Variants in DNM3 observed in about 807,000 individuals in gnomAD.
DNM3 encodes the protein dynamin 3.
A neutral mutation model predicts 101.6 loss-of-function variants in DNM3; 47 were observed. The ratio of observed to expected loss-of-function variants is 0.46; its 90% CI spans 0.37 to 0.59. The LOEUF (loss-of-function observed/expected upper bound fraction) is 0.59. Among genes scored for constraint, DNM3 ranks in the 20% least tolerant of loss-of-function variants. The pLI, the probability that DNM3 is intolerant of heterozygous loss-of-function variation, is 0.00. For synonymous variants in DNM3, 385 were observed against 387.9 expected, an observed-to-expected ratio of 0.99 and a Z score of 0.09; for missense variants, 849 against 1,085.7, an observed-to-expected ratio of 0.78 and a Z score of 3.06.
intron 10 of DNM3, among the ~76,000 whole-genome samples, chr1:172,053,555 G>A (rs528942401): frequency 2.6e-5 from 4 of 151,944 alleles, no homozygotes; most frequent in South Asian, 2.1e-4. Context: ...AAAAAAAGGC[G>A]CTGTGTTTTT....
intron 2 of DNM3, among the ~76,000 whole-genome samples, chr1:171,940,483 A>G (rs1272994552): frequency 5.3e-5 from 8 of 151,990 alleles, no homozygotes; most frequent in Admixed American, 5.2e-4. Flanking sequence ...TTTCTTTTTA[A>G]CCTCTGCATA....
At chr1:171,932,807 A>G (rs1035324298) in intron 2 of DNM3, among the ~76,000 whole-genome samples, 6 of 152,204 alleles carry the variant, frequency 3.9e-5, no homozygotes, top group Non-Finnish European at 8.8e-5. Context: ...TCATCATGCA[A>G]ATACTGGAAT....
intron 17 of DNM3, among the ~76,000 whole-genome samples, chr1:172,351,501 C>T (rs2067200531): frequency 6.6e-6 from 1 of 152,148 alleles, no homozygotes; most frequent in Admixed American, 6.6e-5. Flanking sequence ...TTTGCTGAGG[C>T]TGTTCAACAT....
intron 15 of DNM3, among the ~76,000 whole-genome samples, chr1:172,265,746 G>T (rs1420806779): frequency 6.6e-6 from 1 of 152,078 alleles, no homozygotes; most frequent in Non-Finnish European, 1.5e-5. Flanking sequence ...CTCTCCCCAG[G>T]CAGGCGTTCA....
At chr1:172,129,534 A>G (rs1276773189) in intron 13 of DNM3, among the ~76,000 whole-genome samples, 2 of 152,298 alleles carry the variant, frequency 1.3e-5, no homozygotes, top group African/African-American at 4.8e-5. Flanking sequence ...ACAGTTCCAC[A>G]TGGCTGGGGA....
At chr1:172,095,429 A>G (rs2054179037) in intron 13 of DNM3, among the ~76,000 whole-genome samples, 1 of 152,216 alleles carries the variant, frequency 6.6e-6, no homozygotes. Flanking sequence ...AAATCCAATA[A>G]TGTATACATG....
chr1:172,354,411 C>G (rs764065078), intron 17 of DNM3, among the ~76,000 whole-genome samples: 17 of 151,982 alleles, frequency 1.1e-4, no homozygotes, highest in Non-Finnish European at 1.9e-4. Flanking sequence ...CTCCTCCCCA[C>G]TGCAAATAGC....
chr1:172,335,893 C>T (rs1052652206), intron 17 of DNM3, among the ~76,000 whole-genome samples: 1 of 152,050 alleles, frequency 6.6e-6, no homozygotes, highest in Non-Finnish European at 1.5e-5. Context: ...CTCAGCATCA[C>T]ATAATATACT....
intron 15 of DNM3, among the ~76,000 whole-genome samples, chr1:172,304,205 G>GAAAAAAAAAAAAAAAAAAAAAA (rs1573379110): frequency 6.8e-5 from 3 of 44,256 alleles, no homozygotes; most frequent in African/African-American, 6.7e-4. Context: ...CAAAAGGAAA[G>GAAAAAAAAAAAAAAAAAAAAAA]CAAAAAAAAA....
At chr1:172,333,405 G>A (rs2066276303) in intron 17 of DNM3, among the ~76,000 whole-genome samples, 4 of 152,116 alleles carry the variant, frequency 2.6e-5, no homozygotes, top group Non-Finnish European at 5.9e-5. Context: ...TAATTGCATC[G>A]AAGCCGTACA....
chr1:171,901,477 A>G (rs1170595102), intron 1 of DNM3, among the ~76,000 whole-genome samples: 1 of 152,100 alleles, frequency 6.6e-6, no homozygotes, highest in African/African-American at 2.4e-5. Flanking sequence ...ATCTACACCC[A>G]TTACAGAGGA....
Position 171,937,754 on chromosome 1 carries a change from C to T in DNM3, c.235+15933C>T, listed in dbSNP as rs547231446. Among the ~76,000 whole-genome samples the T allele has an allele frequency of 3.9e-3, 451 of 114,476 alleles. 2 individuals are homozygous for T. Among genetic ancestry groups the T allele is most frequent in the Non-Finnish European group, 7.3e-3 (350 of 47,694 alleles). 75.1% of individuals were successfully genotyped at this position (114,476 alleles called of 152,430 possible). A position where few individuals can be genotyped will look rare whatever the true frequency, so the allele number is the denominator to read the frequency against. On this transcript the variant is annotated intron_variant, in intron 2 of 20. Transcript: ENST00000627582. ...TTAGCTAATTTTTCTATTTTTTGTACAGAGATGGGTTTCAGCATGTTGCCC... is the reference window on the plus strand; with the variant it reads ...TTAGCTAATTTTTCTATTTTTTGTATAGAGATGGGTTTCAGCATGTTGCCC...
chr1:171,869,758 T>C (rs987538210), intron 1 of DNM3, among the ~76,000 whole-genome samples: 4 of 152,256 alleles, frequency 2.6e-5, no homozygotes, highest in African/African-American at 9.6e-5. Flanking sequence ...GTAATGCTTA[T>C]AGGCAATCAA....
At chr1:172,197,746 TG>T (rs2060005994) in intron 14 of DNM3, among the ~76,000 whole-genome samples, 1 of 152,172 alleles carries the variant, frequency 6.6e-6, no homozygotes, top group Non-Finnish European at 1.5e-5. Context: ...TAGTGATTTT[TG>T]TACATTGATT....
At chr1:172,308,168 G>T (rs973556556) in intron 15 of DNM3, among the ~76,000 whole-genome samples, 2 of 152,128 alleles carry the variant, frequency 1.3e-5, no homozygotes, top group African/African-American at 4.8e-5. Context: ...ATCAGGAAAA[G>T]AAATATAAAA....
chr1:172,261,878 C>T (rs569794764), intron 15 of DNM3, among the ~76,000 whole-genome samples: 2 of 152,146 alleles, frequency 1.3e-5, no homozygotes, highest in South Asian at 2.1e-4. Context: ...ATCTTCAGGC[C>T]CCTGGAAAGT....
At chr1:172,279,656 C>T (rs1484331018) in intron 15 of DNM3, among the ~76,000 whole-genome samples, 8 of 152,138 alleles carry the variant, frequency 5.3e-5, no homozygotes, top group Non-Finnish European at 1.2e-4. Context: ...CTCCCAGTTG[C>T]TCATGCTGGA....
chr1:172,289,896 GT>G (rs932951701), intron 15 of DNM3: 21 of 969,268 alleles, frequency 2.2e-5, no homozygotes, highest in Non-Finnish European at 2.6e-5. Context: ...GTACTGTTGG[GT>G]TTTCTTTAAC....
intron 1 of DNM3, among the ~76,000 whole-genome samples, chr1:171,847,287 T>G (rs957102897): frequency 2.7e-4 from 41 of 152,302 alleles, no homozygotes; most frequent in African/African-American, 9.9e-4. Flanking sequence ...CAAAAATCCC[T>G]GAAAAACTAC....
Sources: allele counts gnomAD v4.1 joint callset (sites outside exome capture counted in the v4.1 genomes callset), GRCh38; gene constraint gnomAD v4.1.1; transcripts MANE v1.5; gene names NCBI Gene and HGNC (gene_info 2026-07-23, HGNC 2026-07-21).